The following SIMC1 variants were observed in gnomAD, a reference collection of about 807,000 sequenced individuals.
The protein encoded by SIMC1 is SUMO-interacting motif-containing protein 1.
Under a neutral mutation model 82.3 loss-of-function variants are expected in SIMC1, and 55 were observed. That is an observed-to-expected ratio of 0.67 (90% CI 0.54 to 0.84). The LOEUF (loss-of-function observed/expected upper bound fraction) is 0.84, where lower values mean the gene tolerates loss of function less well. Ranked by LOEUF, SIMC1 falls within the 40% of genes least tolerant of loss-of-function variation. SIMC1 has a pLI of 0.00. For missense variants in SIMC1, 915 were observed against 1,107.2 expected, an observed-to-expected ratio of 0.83 and a Z score of 2.46; for synonymous variants, 353 against 426.3, an observed-to-expected ratio of 0.83 and a Z score of 2.12.
In SIMC1 at chr5:176,287,201, T is replaced by C. The variant is rs993326696; in HGVS notation, c.130-2453T>C. Among the ~76,000 whole-genome samples, 4 of 152,312 alleles carry C rather than the reference T, an allele frequency of 2.6e-5. No individual in the cohort carries two copies. The East Asian group carries it at 5.8e-4, about 22-fold the overall frequency. On this transcript the variant is annotated intron_variant, in intron 1 of 9. Coordinates refer to ENST00000429602, the MANE Select transcript of SIMC1 (RefSeq NM_001308195.2). Reference sequence around the variant, plus strand: ...ACACGTATGTTTATTGTGGTACTATTCACAATAGCAAAGACTTGGAACCAA... The same window carrying C: ...ACACGTATGTTTATTGTGGTACTATCCACAATAGCAAAGACTTGGAACCAA...
Position 176,296,314 on chromosome 5 carries a change from G to A in SIMC1, c.1728G>A (p.Glu576=). The A allele has an allele frequency of 6.2e-7, 1 of 1,613,356 alleles. No individual in the cohort carries two copies. The highest frequency in any genetic ancestry group is 8.5e-7 in the Non-Finnish European group (1 of 1,179,492). ...WDWKLLTYVM[E]EEGQTLPGRV... is the part of the protein sequence containing the mutation. ...GGAAACTGCTCACCTATGTCATGGA[G>A]GAAGAGGTAACAACAATTATAAGAT... Residue 576 remains glutamate (E), a synonymous_variant, in exon 4 of 10, where the codon GAG becomes GAA. Transcript: ENST00000429602.
intron 7 of SIMC1, among the ~76,000 whole-genome samples, chr5:176,327,292 C>T (rs1305807976): frequency 6.6e-6 from 1 of 152,132 alleles, no homozygotes; most frequent in Non-Finnish European, 1.5e-5. Context: ...TGGCCTTTAC[C>T]TTGATTTATT....
chr5:176,288,410 AGAAT>A (rs746968105), intron 1 of SIMC1, among the ~76,000 whole-genome samples: 34 of 132,864 alleles, frequency 2.6e-4, no homozygotes, highest in African/African-American at 5.4e-4. Flanking sequence ...CTCCATCTCA[AGAAT>A]GAATGAATGA....
intron 4 of SIMC1, among the ~76,000 whole-genome samples, chr5:176,310,524 G>A (rs1265040059): frequency 6.6e-6 from 1 of 152,088 alleles, no homozygotes; most frequent in Non-Finnish European, 1.5e-5. Context: ...GGGTATTATG[G>A]TGAACAAAAA....
At chr5:176,272,304 C>CA (rs1489221829) in intron 1 of SIMC1, among the ~76,000 whole-genome samples, 2 of 148,822 alleles carry the variant, frequency 1.3e-5, no homozygotes, top group Non-Finnish European at 3.0e-5. Context: ...GACCCCATCT[C>CA]AAAAAACAAA....
At chr5:176,265,720 A>G (rs1297597229) in intron 1 of SIMC1, among the ~76,000 whole-genome samples, 1 of 152,224 alleles carries the variant, frequency 6.6e-6, no homozygotes, top group East Asian at 1.9e-4. Flanking sequence ...ATAATTTGTT[A>G]TCTGTGAAAG....
chr5:176,273,510 A>G (rs76719917), intron 1 of SIMC1, among the ~76,000 whole-genome samples: 6 of 151,768 alleles, frequency 4.0e-5, no homozygotes, highest in African/African-American at 1.5e-4. Flanking sequence ...TGAAAAAAAA[A>G]TTTTTTTTTA....
rs757380479 is a variant in SIMC1 at position 176,238,467 on chromosome 5, C to T, written c.-42C>T. The T allele has an allele frequency of 4.0e-5, 45 of 1,120,726 alleles. No homozygotes were observed. In the South Asian group the frequency reaches 1.4e-3, roughly 35 times the overall value. 69.4% of individuals were successfully genotyped at this position (1,120,726 alleles called of 1,614,324 possible). ...CAGAAGCAGGAACCGAAGTCGTCGC[C>T]GCCGCCGCCACTGCCTGGGTCTTCG... On this transcript the variant is annotated 5_prime_UTR_variant, in exon 1 of 10. Coordinates refer to ENST00000429602, the MANE Select transcript of SIMC1 (RefSeq NM_001308195.2).
In SIMC1 at chr5:176,296,973, A is replaced by G. The variant is rs556664883; in HGVS notation, c.1734+653A>G. Among the ~76,000 whole-genome samples the G allele has an allele frequency of 5.9e-5, 9 of 152,310 alleles. No homozygotes were observed. The East Asian group carries it at 1.4e-3, about 23-fold the overall frequency. On this transcript the variant is annotated intron_variant, in intron 4 of 9. Coordinates refer to ENST00000429602, the MANE Select transcript of SIMC1 (RefSeq NM_001308195.2). ...TGATGAGCCGGGCAGAGAAAGCCAC[A>G]TATATGTAAAGAGGCTACAGCCAAG...
chr5:176,295,911 C>T (rs1036991663), intron 3 of SIMC1, among the ~76,000 whole-genome samples: 13 of 152,114 alleles, frequency 8.5e-5, no homozygotes, highest in Non-Finnish European at 1.8e-4. Flanking sequence ...AGCCAATCAC[C>T]GTGAACTGAG....
Position 176,324,753 on chromosome 5 carries a change from C to T in SIMC1, c.2167C>T (p.Gln723Ter). The change falls in exon 7 of 10, where the codon CAG becomes TAG. Residue 723 changes from glutamine (Q) to a stop codon, truncating the protein, a stop_gained. Transcript: ENST00000429602. LOFTEE classifies it high-confidence loss of function. Reference sequence around the variant, plus strand: ...TGTGCTGGACATTCCTGAGAGGAGCCAGAGGTGAGTCTTGATTTTGTTGGG... The same window carrying T: ...TGTGCTGGACATTCCTGAGAGGAGCTAGAGGTGAGTCTTGATTTTGTTGGG... ...GFVLDIPERS[Q>*]REMFFTTMES... is the part of the protein sequence containing the mutation. 1.3e-6 allele frequency: 2 copies of T among 1,589,704 alleles called. No individual in the cohort carries two copies. The highest frequency in any genetic ancestry group is 1.7e-6 in the Non-Finnish European group (2 of 1,167,890).
chr5:176,308,960 G>A, intron 4 of SIMC1: 1 of 979,528 alleles, frequency 1.0e-6, no homozygotes, highest in South Asian at 1.3e-5. Flanking sequence ...GCATTTGCAG[G>A]AATTGCAACA....
intron 9 of SIMC1, among the ~76,000 whole-genome samples, chr5:176,344,345 G>A (rs181532884): frequency 3.7e-4 from 57 of 152,038 alleles, no homozygotes; most frequent in Admixed American, 5.9e-4. Context: ...TTGCTTACTC[G>A]TGATCACACT....
intron 6 of SIMC1, among the ~76,000 whole-genome samples, chr5:176,324,010 AAAAAC>A (rs1454727512): frequency 1.3e-5 from 2 of 151,612 alleles, no homozygotes; most frequent in African/African-American, 4.8e-5. Flanking sequence ...AAAAAAAAAA[AAAAAC>A]ACGTGTTAGA....
chr5:176,282,388 T>A (rs1396436484), intron 1 of SIMC1, among the ~76,000 whole-genome samples: 1 of 152,216 alleles, frequency 6.6e-6, no homozygotes. Flanking sequence ...GCTTCCGGAG[T>A]GAGGCAATGC....
chr5:176,322,197 AC>A lies in SIMC1; in HGVS notation c.1890-74del, dbSNP rs1259177647. ...CACCATAAATACAACAGACATGGAA[AC>A]CTTTTCTTTCTTTATTTTTTTTTTC... On this transcript the variant is annotated intron_variant, in intron 5 of 9. Transcript: ENST00000429602. The A allele has an allele frequency of 4.8e-6, 7 of 1,470,670 alleles. No homozygotes were observed. The Admixed American group carries it at 1.8e-4, about 37-fold the overall frequency. 91.1% of individuals were successfully genotyped at this position (1,470,670 alleles called of 1,614,324 possible). A position where few individuals can be genotyped will look rare whatever the true frequency, so the allele number is the denominator to read the frequency against.
intron 7 of SIMC1, among the ~76,000 whole-genome samples, chr5:176,327,758 C>A (rs1469989325): frequency 6.6e-6 from 1 of 152,168 alleles, no homozygotes; most frequent in African/African-American, 2.4e-5. Flanking sequence ...TTTGAGGGAG[C>A]TTCCTTCCAT....
intron 4 of SIMC1, among the ~76,000 whole-genome samples, chr5:176,305,918 G>A (rs1436645363): frequency 2.5e-5 from 2 of 78,636 alleles, no homozygotes; most frequent in African/African-American, 1.1e-4. Flanking sequence ...GCTTCTGCCC[G>A]GCCGCCCCTA....
At chr5:176,334,118 C>T (rs1411259741) in intron 7 of SIMC1, among the ~76,000 whole-genome samples, 1 of 152,198 alleles carries the variant, frequency 6.6e-6, no homozygotes, top group Non-Finnish European at 1.5e-5. Flanking sequence ...CTAATTCCAA[C>T]ATGTATGTCA....
Sources: gnomAD v4.1 joint callset for allele counts (sites outside exome capture counted in the v4.1 genomes callset) on GRCh38, gnomAD v4.1.1 for gene constraint, MANE v1.5 for transcripts, NCBI Gene and HGNC (gene_info 2026-07-23, HGNC 2026-07-21) for gene names.